Variants in SEMA5A observed in about 807,000 individuals in gnomAD.
SEMA5A encodes the protein semaphorin 5A, also known as semaphorin-5A.
Under a neutral mutation model 135.5 loss-of-function variants are expected in SEMA5A, and 55 were observed. The observed-to-expected ratio is 0.41, with a 90% CI of 0.33 to 0.51. The LOEUF (loss-of-function observed/expected upper bound fraction) is 0.51, where lower values mean the gene tolerates loss of function less well. SEMA5A is among the 20% of genes least tolerant of loss of function. SEMA5A has a pLI of 0.37. For missense variants in SEMA5A, 1,290 were observed against 1,419.9 expected, an observed-to-expected ratio of 0.91 and a Z score of 1.47; for synonymous variants, 580 against 546.5, an observed-to-expected ratio of 1.06 and a Z score of -0.85.
intron 21 of SEMA5A, among the ~76,000 whole-genome samples, chr5:9,045,377 C>T (rs762093473): frequency 2.0e-4 from 31 of 152,178 alleles, no homozygotes; most frequent in Admixed American, 1.2e-3. Context: ...GCTTTTAGCT[C>T]TCTCTCCATT....
chr5:9,316,807 G>C (rs544311106), intron 5 of SEMA5A, among the ~76,000 whole-genome samples: 2 of 152,184 alleles, frequency 1.3e-5, no homozygotes, highest in East Asian at 3.9e-4. Flanking sequence ...TTGGTGTTGA[G>C]AACACTTGAA....
At chr5:9,408,547 A>G (rs1247213388) in intron 2 of SEMA5A, among the ~76,000 whole-genome samples, 2 of 152,196 alleles carry the variant, frequency 1.3e-5, no homozygotes, top group African/African-American at 4.8e-5. Context: ...TTTCCAGTGG[A>G]TTGGCATCTA....
intron 5 of SEMA5A, among the ~76,000 whole-genome samples, chr5:9,266,232 T>C (rs778753818): frequency 6.6e-6 from 1 of 152,212 alleles, no homozygotes; most frequent in African/African-American, 2.4e-5. Context: ...TTTAGTTTGA[T>C]ATATCAGATA....
At chr5:9,373,863 C>A (rs1755245397) in intron 3 of SEMA5A, among the ~76,000 whole-genome samples, 1 of 152,208 alleles carries the variant, frequency 6.6e-6, no homozygotes, top group African/African-American at 2.4e-5. Context: ...CAGGAGCATG[C>A]TCTCTAAATA....
At chr5:9,543,390 G>A (rs141789932) in intron 1 of SEMA5A, among the ~76,000 whole-genome samples, 26 of 152,288 alleles carry the variant, frequency 1.7e-4, no homozygotes, top group African/African-American at 5.8e-4. Flanking sequence ...CCCAAGACAC[G>A]TGATGAAATC....
chr5:9,126,272 G>A (rs899639933), intron 13 of SEMA5A, among the ~76,000 whole-genome samples: 1 of 152,068 alleles, frequency 6.6e-6, no homozygotes, highest in Non-Finnish European at 1.5e-5. Flanking sequence ...ATCCTTAGTT[G>A]AAGGGGGTAA....
intron 2 of SEMA5A, among the ~76,000 whole-genome samples, chr5:9,432,480 A>G (rs1419486363): frequency 1.3e-5 from 2 of 152,132 alleles, no homozygotes; most frequent in African/African-American, 2.4e-5. Context: ...CTCTTTGTCT[A>G]GTTTAAACCC....
At chr5:9,541,736 A>G (rs540416626) in intron 1 of SEMA5A, among the ~76,000 whole-genome samples, 1 of 152,244 alleles carries the variant, frequency 6.6e-6, no homozygotes, top group African/African-American at 2.4e-5. Flanking sequence ...CCTTTGGGAA[A>G]TTTTTCTGTT....
intron 12 of SEMA5A, among the ~76,000 whole-genome samples, chr5:9,141,730 T>G (rs950370173): frequency 6.6e-6 from 1 of 152,164 alleles, no homozygotes; most frequent in Non-Finnish European, 1.5e-5. Context: ...TGCAATTACG[T>G]TTTTTGTTAG....
chr5:9,376,706 G>T (rs917755921), intron 3 of SEMA5A, among the ~76,000 whole-genome samples: 1 of 152,014 alleles, frequency 6.6e-6, no homozygotes, highest in Non-Finnish European at 1.5e-5. Flanking sequence ...GGTTCACTCC[G>T]AATTAAAAAC....
At chr5:9,410,390 G>T (rs1413401304) in intron 2 of SEMA5A, among the ~76,000 whole-genome samples, 1 of 152,036 alleles carries the variant, frequency 6.6e-6, no homozygotes, top group Admixed American at 6.5e-5. Context: ...CCATTTTCCT[G>T]GGGCTGTTTT....
At chr5:9,251,186 C>T (rs1170731917) in intron 5 of SEMA5A, among the ~76,000 whole-genome samples, 1 of 152,130 alleles carries the variant, frequency 6.6e-6, no homozygotes, top group Non-Finnish European at 1.5e-5. Context: ...ACTAGGATGA[C>T]TCTAGTCAGA....
chr5:9,200,647 C>A (rs1350712454), intron 9 of SEMA5A, among the ~76,000 whole-genome samples: 2 of 152,216 alleles, frequency 1.3e-5, no homozygotes, highest in African/African-American at 4.8e-5. Context: ...GCCATCCATA[C>A]TAGCCTTATT....
intron 5 of SEMA5A, among the ~76,000 whole-genome samples, chr5:9,297,182 A>G (rs371293443): frequency 1.1e-4 from 16 of 148,608 alleles, no homozygotes; most frequent in East Asian, 8.1e-4. Context: ...ACATATACAT[A>G]TGTATATACA....
At chr5:9,437,513 C>T (rs550676393) in intron 2 of SEMA5A, among the ~76,000 whole-genome samples, 32 of 152,042 alleles carry the variant, frequency 2.1e-4, no homozygotes, top group African/African-American at 6.5e-4. Flanking sequence ...CGCGCCACCA[C>T]GCCAGGCTAA....
intron 16 of SEMA5A, among the ~76,000 whole-genome samples, chr5:9,092,524 C>T (rs1739091426): frequency 6.6e-6 from 1 of 152,180 alleles, no homozygotes; most frequent in African/African-American, 2.4e-5. Context: ...ACTGCAGGAA[C>T]ACGGAGTTTC....
At chr5:9,239,911 GGAA>G (rs1379769712) in intron 5 of SEMA5A, among the ~76,000 whole-genome samples, 1 of 152,036 alleles carries the variant, frequency 6.6e-6, no homozygotes, top group South Asian at 2.1e-4. Flanking sequence ...CCAGGGCTAA[GGAA>G]GAAGAATATT....
chr5:9,254,428 C>T (rs1041827890), intron 5 of SEMA5A, among the ~76,000 whole-genome samples: 3 of 152,052 alleles, frequency 2.0e-5, no homozygotes, highest in South Asian at 2.1e-4. Flanking sequence ...ATAAGAGAGA[C>T]GTATGCTTGC....
chr5:9,061,194 T>C (rs1255313059), intron 18 of SEMA5A, among the ~76,000 whole-genome samples: 2 of 151,998 alleles, frequency 1.3e-5, no homozygotes, highest in African/African-American at 4.8e-5. Flanking sequence ...CCCTAAACTC[T>C]TAAGTTTCTT....
Sources: allele counts gnomAD v4.1 joint callset (sites outside exome capture counted in the v4.1 genomes callset), GRCh38; gene constraint gnomAD v4.1.1; transcripts MANE v1.5; gene names NCBI Gene and HGNC (gene_info 2026-07-23, HGNC 2026-07-21).